PKP4: variants seen among roughly 807,000 people sequenced by gnomAD.
The protein encoded by PKP4 is plakophilin 4.
A neutral mutation model predicts 145.1 loss-of-function variants in PKP4; 90 were observed. That is an observed-to-expected ratio of 0.62 (90% CI 0.52 to 0.74). PKP4 has a LOEUF of 0.74. PKP4 is among the 30% of genes least tolerant of loss of function. PKP4 has a pLI of 0.00. For missense variants in PKP4, 1,340 were observed against 1,482.7 expected, an observed-to-expected ratio of 0.90 and a Z score of 1.58; for synonymous variants, 563 against 577.2, an observed-to-expected ratio of 0.98 and a Z score of 0.35.
intron 3 of PKP4, among the ~76,000 whole-genome samples, chr2:158,584,748 C>T (rs1411887513): frequency 6.6e-6 from 1 of 152,150 alleles, no homozygotes; most frequent in Non-Finnish European, 1.5e-5. Flanking sequence ...TCTTAGAATT[C>T]TAGAAACTAT....
At chr2:158,555,938 A>G (rs1346282926) in intron 2 of PKP4, among the ~76,000 whole-genome samples, 1 of 152,200 alleles carries the variant, frequency 6.6e-6, no homozygotes, top group Non-Finnish European at 1.5e-5. Context: ...TATTTTGGTC[A>G]CTGCTGATCT....
At chr2:158,543,820 C>T (rs966359313) in intron 2 of PKP4, among the ~76,000 whole-genome samples, 2 of 152,068 alleles carry the variant, frequency 1.3e-5, no homozygotes, top group Non-Finnish European at 2.9e-5. Flanking sequence ...GGTAGTTCTC[C>T]GTACGTGGTT....
At chr2:158,510,659 A>G (rs1462388704) in intron 1 of PKP4, among the ~76,000 whole-genome samples, 2 of 152,216 alleles carry the variant, frequency 1.3e-5, no homozygotes, top group Non-Finnish European at 2.9e-5. Context: ...GGGCTTTGAA[A>G]TGATAAGAAG....
intron 7 of PKP4, among the ~76,000 whole-genome samples, chr2:158,628,255 G>C (rs1339635167): frequency 6.6e-6 from 1 of 151,888 alleles, no homozygotes; most frequent in Non-Finnish European, 1.5e-5. Context: ...CTGGGATTAC[G>C]GGTGTGAGCC....
chr2:158,499,371 A>T (rs1386377060), intron 1 of PKP4, among the ~76,000 whole-genome samples: 1 of 152,178 alleles, frequency 6.6e-6, no homozygotes, highest in Non-Finnish European at 1.5e-5. Flanking sequence ...AGTACCTGTT[A>T]GTGAAGTACC....
At chr2:158,659,151 G>A (rs544390654) in intron 12 of PKP4, 2 of 152,484 alleles carry the variant, frequency 1.3e-5, no homozygotes, top group Admixed American at 1.3e-4. Context: ...AGAGAGCAAA[G>A]CTTGTGTGGC....
At chr2:158,499,885 A>G (rs1035399596) in intron 1 of PKP4, among the ~76,000 whole-genome samples, 3 of 152,234 alleles carry the variant, frequency 2.0e-5, no homozygotes, top group African/African-American at 7.2e-5. Flanking sequence ...AGGATGCATG[A>G]ATTAAACAAA....
At chr2:158,601,786 T>G (rs1190422858) in intron 3 of PKP4, among the ~76,000 whole-genome samples, 2 of 152,050 alleles carry the variant, frequency 1.3e-5, no homozygotes, top group African/African-American at 2.4e-5. Flanking sequence ...GTTCAGGGAG[T>G]TTCTATGGAA....
intron 16 of PKP4, among the ~76,000 whole-genome samples, chr2:158,667,084 C>G (rs1186736693): frequency 6.6e-6 from 1 of 152,166 alleles, no homozygotes; most frequent in Non-Finnish European, 1.5e-5. Context: ...GCGCCAAAGG[C>G]ACAACATTTT....
At chr2:158,610,447 A>G (rs932304902) in intron 4 of PKP4, among the ~76,000 whole-genome samples, 2 of 152,258 alleles carry the variant, frequency 1.3e-5, no homozygotes, top group Non-Finnish European at 2.9e-5. Flanking sequence ...GAAAGTGAGA[A>G]GCATGTATAA....
chr2:158,510,343 T>G (rs1395768618), intron 1 of PKP4, among the ~76,000 whole-genome samples: 1 of 152,236 alleles, frequency 6.6e-6, no homozygotes, highest in Non-Finnish European at 1.5e-5. Flanking sequence ...CCTCAGAACA[T>G]GTGTTAGACA....
chr2:158,641,575 G>A (rs3755420), intron 10 of PKP4, among the ~76,000 whole-genome samples: 4,506 of 152,044 alleles, frequency 0.03, 191 homozygotes, highest in East Asian at 0.18. Context: ...TTTCTTTAAC[G>A]TTTCAAGCCT....
intron 11 of PKP4, among the ~76,000 whole-genome samples, chr2:158,650,933 A>G (rs1280280844): frequency 6.6e-6 from 1 of 152,178 alleles, no homozygotes; most frequent in Non-Finnish European, 1.5e-5. Context: ...AGCCACACCT[A>G]TAGACCAGGA....
At chr2:158,609,603 A>C (rs1260281144) in intron 4 of PKP4, among the ~76,000 whole-genome samples, 3 of 152,224 alleles carry the variant, frequency 2.0e-5, no homozygotes, top group East Asian at 3.9e-4. Context: ...TTAGAGATGC[A>C]ATGGTTTGAT....
chr2:158,603,592 A>C (rs952775523), intron 4 of PKP4, among the ~76,000 whole-genome samples: 1 of 152,110 alleles, frequency 6.6e-6, no homozygotes, highest in Non-Finnish European at 1.5e-5. Context: ...TAAATTCACC[A>C]CATAGGAAGG....
intron 1 of PKP4, among the ~76,000 whole-genome samples, chr2:158,482,938 T>C (rs913145865): frequency 7.2e-5 from 11 of 152,206 alleles, no homozygotes; most frequent in Non-Finnish European, 5.9e-5. Context: ...ATACAGTGTT[T>C]GTTAGCCTAC....
intron 1 of PKP4, among the ~76,000 whole-genome samples, chr2:158,493,459 C>G (rs1434858266): frequency 6.6e-6 from 1 of 152,132 alleles, no homozygotes; most frequent in Non-Finnish European, 1.5e-5. Flanking sequence ...CCTCTTAGTG[C>G]CATTTTCCAT....
At chr2:158,494,473 G>T (rs1695392514) in intron 1 of PKP4, among the ~76,000 whole-genome samples, 1 of 152,128 alleles carries the variant, frequency 6.6e-6, no homozygotes, top group African/African-American at 2.4e-5. Context: ...CTGAAGTGAT[G>T]ATTAATACCA....
chr2:158,625,086 C>T lies in PKP4; in HGVS notation c.812C>T (p.Ala271Val). Residue 271 changes from alanine to valine, a missense_variant, in exon 7 of 22, where the codon GCA (alanine) becomes GTA (valine). Physicochemically the swap from Ala to Val is moderately conservative, Grantham distance 64 (BLOSUM62 0). Coordinates refer to ENST00000389759, the MANE Select transcript of PKP4 (RefSeq NM_003628.6). ...YSSTTLPAAR[A>V]ASPYSQRPAS... ...TCCACCACATTACCTGCTGCACGGG[C>T]AGCCTCTCCGTACTCACAGAGACCC... 1 of 1,614,158 alleles carries T rather than the reference C, an allele frequency of 6.2e-7. No homozygotes were observed. The highest frequency in any genetic ancestry group is 8.5e-7 in the Non-Finnish European group (1 of 1,180,002).
Sources: gnomAD v4.1 joint callset for allele counts (sites outside exome capture counted in the v4.1 genomes callset) on GRCh38, gnomAD v4.1.1 for gene constraint, MANE v1.5 for transcripts, NCBI Gene and HGNC (gene_info 2026-07-23, HGNC 2026-07-21) for gene names.